Variants in EPS8 observed in about 807,000 individuals in gnomAD.
EPS8 encodes EGFR pathway substrate 8, signaling adaptor, also known as epidermal growth factor receptor kinase substrate 8.
A neutral mutation model predicts 103.8 loss-of-function variants in EPS8; 42 were observed. The ratio of observed to expected loss-of-function variants is 0.40; its 90% CI spans 0.32 to 0.52. The LOEUF (loss-of-function observed/expected upper bound fraction) is 0.52, where lower values mean the gene tolerates loss of function less well. EPS8 is among the 20% of genes least tolerant of loss of function. The pLI is 0.40. For synonymous variants in EPS8, 344 were observed against 344.6 expected, an observed-to-expected ratio of 1.00 and a Z score of 0.02; for missense variants, 969 against 1,005.1, an observed-to-expected ratio of 0.96 and a Z score of 0.49.
intron 1 of EPS8, among the ~76,000 whole-genome samples, chr12:15,766,057 G>A (rs546216221): frequency 7.3e-5 from 11 of 151,292 alleles, no homozygotes; most frequent in East Asian, 6.0e-4. Context: ...CTGATGATCC[G>A]CCTGCCTCGG....
rs930781972 is a variant in EPS8, at chr12:15,772,818, T to C, written c.-22+16343A>G. On this transcript the variant is annotated intron_variant, in intron 1 of 20. Transcript: ENST00000281172. This position sits in a 1 kb window ranked among gnomAD's most constrained non-coding sequence, Gnocchi z 5.0. ...AAAATCATTACAAACATACATTCAT[T>C]CAGCAAATAGACGGGTCTACAAAGT... 3.3e-5 allele frequency among the ~76,000 whole-genome samples: 5 copies of C among 152,170 alleles called. No homozygotes were observed. Among genetic ancestry groups the C allele is most frequent in the Admixed American group, 2.0e-4 (3 of 15,272 alleles).
intron 1 of EPS8, among the ~76,000 whole-genome samples, chr12:15,718,357 C>T (rs1001590153): frequency 6.6e-6 from 1 of 152,120 alleles, no homozygotes; most frequent in African/African-American, 2.4e-5. Flanking sequence ...CAAATAGTCA[C>T]AAAACCTAAT....
chr12:15,679,837 TACTTAATAAATACTGC>T (rs1318164183), intron 3 of EPS8, among the ~76,000 whole-genome samples: 1 of 152,232 alleles, frequency 6.6e-6, no homozygotes, highest in Non-Finnish European at 1.5e-5. Context: ...TGGCATAGCA[TACTTAATAAATACTGC>T]ACTTAATAAA....
chr12:15,646,248 C>T (rs1488664289), intron 15 of EPS8, among the ~76,000 whole-genome samples: 1 of 152,062 alleles, frequency 6.6e-6, no homozygotes, highest in African/African-American at 2.4e-5. Flanking sequence ...TGTCACCACC[C>T]CTGACAAAGA....
chr12:15,768,585 C>T (rs774251036), intron 1 of EPS8, among the ~76,000 whole-genome samples: 1 of 151,762 alleles, frequency 6.6e-6, no homozygotes, highest in South Asian at 2.1e-4. Context: ...CATTAAGTCA[C>T]GGAATTTTCA....
At chr12:15,691,351 G>T (rs1946169320) in intron 1 of EPS8, among the ~76,000 whole-genome samples, 1 of 151,778 alleles carries the variant, frequency 6.6e-6, no homozygotes, top group Non-Finnish European at 1.5e-5. Flanking sequence ...GACCAGCCTG[G>T]TCAACATAGT....
At chr12:15,768,330 C>T (rs1425025736) in intron 1 of EPS8, among the ~76,000 whole-genome samples, 4 of 143,722 alleles carry the variant, frequency 2.8e-5, no homozygotes, top group Admixed American at 7.4e-5. Context: ...CCCAGCTACT[C>T]GAGAGGCTGA....
intron 17 of EPS8, among the ~76,000 whole-genome samples, chr12:15,639,080 G>A (rs1945185079): frequency 6.6e-6 from 1 of 152,148 alleles, no homozygotes; most frequent in African/African-American, 2.4e-5. Context: ...TTGGATAATT[G>A]TTTTCAAAAC....
At chr12:15,758,984 A>G (rs2136028160) in intron 1 of EPS8, among the ~76,000 whole-genome samples, 1 of 152,244 alleles carries the variant, frequency 6.6e-6, no homozygotes, top group African/African-American at 2.4e-5. Flanking sequence ...GTACTATTCA[A>G]TGCACTCCAG....
At chr12:15,750,724 T>C (rs80064286) in intron 1 of EPS8, among the ~76,000 whole-genome samples, 4,104 of 152,292 alleles carry the variant, frequency 0.027, 188 homozygotes, top group African/African-American at 0.094. Flanking sequence ...ATAGCTATTA[T>C]TTATATGATA....
chr12:15,737,281 G>A (rs1464063678), intron 1 of EPS8, among the ~76,000 whole-genome samples: 2 of 152,124 alleles, frequency 1.3e-5, no homozygotes, highest in East Asian at 1.9e-4. Flanking sequence ...AGCTACTGAA[G>A]TTCAAAGCCT....
chr12:15,779,071 C>T lies in EPS8; in HGVS notation c.-22+10090G>A, dbSNP rs569324704. On this transcript the variant is annotated intron_variant, in intron 1 of 20. Coordinates refer to ENST00000281172, the MANE Select transcript of EPS8 (RefSeq NM_004447.6). The surrounding 1 kb of genome is among the most constrained non-coding windows in gnomAD (Gnocchi z 4.3). Reference sequence around the variant, plus strand: ...TGGCTCACCACAACCTCCTGCCTCCCGGGTTCAAGCAATTCTCCTGCCTCA... The same window carrying T: ...TGGCTCACCACAACCTCCTGCCTCCTGGGTTCAAGCAATTCTCCTGCCTCA... Among the ~76,000 whole-genome samples the T allele has an allele frequency of 8.5e-5, 13 of 152,228 alleles. No homozygotes were observed. The East Asian group carries it at 2.1e-3, about 25-fold the overall frequency.
At chr12:15,726,337 C>T (rs1946652843) in intron 1 of EPS8, among the ~76,000 whole-genome samples, 1 of 151,910 alleles carries the variant, frequency 6.6e-6, no homozygotes. Flanking sequence ...ATCTCAGACT[C>T]ATCTGTGGGA....
Position 15,654,293 on chromosome 12 carries a change from C to A in EPS8, c.1102G>T (p.Val368Leu), listed in dbSNP as rs763005561. ...TCAGGACCTCCTGTTGCCTGCACCA[C>A]CTAAGATAATAAACCATTTTTTAGC... is the stretch of plus-strand genomic sequence containing the variant. ...VHFLFTPLNM[V>L]VQATGGPELA... Residue 368 changes from valine to leucine, a missense_variant and splice_region_variant, in exon 13 of 21, where the codon GTG becomes TTG. Coordinates refer to ENST00000281172, the MANE Select transcript of EPS8 (RefSeq NM_004447.6). 6.2e-7 allele frequency: 1 copy of A among 1,612,140 alleles called. No homozygotes were observed. Among genetic ancestry groups the A allele is most frequent in the Admixed American group, 1.7e-5 (1 of 59,634 alleles).
At chr12:15,662,128 A>G in intron 8 of EPS8, 29 bp from the exon 9 acceptor site, 8 of 1,593,732 alleles carry the variant, frequency 5.0e-6, no homozygotes, top group Non-Finnish European at 6.9e-6. Context: ...TAAGTCTTTC[A>G]ATCTTTTACT....
intron 1 of EPS8, among the ~76,000 whole-genome samples, chr12:15,729,525 C>T (rs1231262086): frequency 6.6e-6 from 1 of 152,150 alleles, no homozygotes; most frequent in Non-Finnish European, 1.5e-5. Flanking sequence ...CATTAGCCCT[C>T]TCCAATCTAC....
intron 14 of EPS8, 127 bp downstream of exon 14, chr12:15,650,696 G>C (rs953117832): frequency 6.4e-6 from 5 of 778,170 alleles, no homozygotes; most frequent in African/African-American, 1.7e-5. Flanking sequence ...TCAGGACAGG[G>C]TAACATTCAG....
intron 20 of EPS8, 145 bp from the exon 21 acceptor site, chr12:15,621,575 G>C: frequency 1.8e-6 from 1 of 571,074 alleles, no homozygotes; most frequent in South Asian, 2.2e-5. Flanking sequence ...TTTAAGTGAA[G>C]CTTCTGCACT....
Position 15,704,419 on chromosome 12 carries a change from A to G in EPS8, c.-21-21447T>C, listed in dbSNP as rs1425918976. Among the ~76,000 whole-genome samples the G allele has an allele frequency of 6.6e-6, 1 of 152,214 alleles. No homozygotes were observed. The highest frequency in any genetic ancestry group is 6.5e-5 in the Admixed American group (1 of 15,278). On this transcript the variant is annotated intron_variant, in intron 1 of 20. Transcript: ENST00000281172. The surrounding 1 kb of genome is among the most constrained non-coding windows in gnomAD (Gnocchi z 4.6). Reference sequence around the variant, plus strand: ...AAAAGGAAACAGACATCTCTCATACATACTACAACATGGATGAACCCTGAA... The same window carrying G: ...AAAAGGAAACAGACATCTCTCATACGTACTACAACATGGATGAACCCTGAA...
Sources: allele counts gnomAD v4.1 joint callset (sites outside exome capture counted in the v4.1 genomes callset), GRCh38; gene constraint gnomAD v4.1.1; non-coding constraint Gnocchi (gnomAD v3.1); transcripts MANE v1.5; gene names NCBI Gene and HGNC (gene_info 2026-07-23, HGNC 2026-07-21).